TRAPPC9: variants seen among roughly 807,000 people sequenced by gnomAD.
The protein encoded by TRAPPC9 is IKK2 binding protein.
In TRAPPC9, 83 loss-of-function variants were observed where a neutral mutation model predicts 124.0. The observed-to-expected ratio is 0.67, with a 90% CI of 0.56 to 0.80. TRAPPC9 has a LOEUF of 0.80. Ranked by LOEUF, TRAPPC9 falls within the 30% of genes least tolerant of loss-of-function variation. The pLI, the probability that TRAPPC9 is intolerant of heterozygous loss-of-function variation, is 0.00. For missense variants in TRAPPC9, 1,302 were observed against 1,508.3 expected, an observed-to-expected ratio of 0.86 and a Z score of 2.27; for synonymous variants, 638 against 617.5, an observed-to-expected ratio of 1.03 and a Z score of -0.49.
At chr8:140,077,589 G>C (rs532062779) in intron 17 of TRAPPC9, among the ~76,000 whole-genome samples, 2 of 152,062 alleles carry the variant, frequency 1.3e-5, no homozygotes, top group African/African-American at 4.8e-5. Flanking sequence ...GAGCAGGGCA[G>C]ATGCTTGCTG....
At chr8:140,272,126 G>GTGGTGGCAATGATGATGGTGA (rs1331730567) in intron 15 of TRAPPC9, among the ~76,000 whole-genome samples, 38 of 146,788 alleles carry the variant, frequency 2.6e-4, no homozygotes, top group Admixed American at 6.7e-4. Flanking sequence ...AATGGTGATG[G>GTGGTGGCAATGATGATGGTGA]TGGCGATGGT....
intron 9 of TRAPPC9, among the ~76,000 whole-genome samples, chr8:140,341,771 G>C (rs536826231): frequency 3.9e-5 from 6 of 152,264 alleles, no homozygotes; most frequent in Non-Finnish European, 7.4e-5. Context: ...AGCACGGGAA[G>C]GGGGGCTAGT....
At chr8:140,285,898 C>T (rs1338897221) in intron 13 of TRAPPC9, among the ~76,000 whole-genome samples, 3 of 152,284 alleles carry the variant, frequency 2.0e-5, no homozygotes, top group African/African-American at 4.8e-5. Context: ...CTCACTCACC[C>T]GTAGGGAGCA....
At chr8:139,962,524 C>T (rs1199792401) in intron 19 of TRAPPC9, among the ~76,000 whole-genome samples, 1 of 124,656 alleles carries the variant, frequency 8.0e-6, no homozygotes, top group Non-Finnish European at 1.9e-5. Flanking sequence ...CTGCCTCTTC[C>T]ATCTAGTCAT....
At chr8:140,081,555 AG>A (rs898078632) in intron 17 of TRAPPC9, among the ~76,000 whole-genome samples, 103 of 152,230 alleles carry the variant, frequency 6.8e-4, no homozygotes, top group African/African-American at 2.5e-3. Context: ...CATATTGACC[AG>A]GGTGGTCTCA....
chr8:139,978,306 G>A (rs1397386905), intron 19 of TRAPPC9, among the ~76,000 whole-genome samples: 1 of 152,230 alleles, frequency 6.6e-6, no homozygotes, highest in African/African-American at 2.4e-5. Context: ...AACATGGATT[G>A]AGACATAGCC....
intron 17 of TRAPPC9, among the ~76,000 whole-genome samples, chr8:140,162,694 A>G (rs918197240): frequency 5.3e-5 from 8 of 152,178 alleles, no homozygotes; most frequent in African/African-American, 1.9e-4. Context: ...TCCTCACTTA[A>G]AAATGGTTAC....
At chr8:139,777,614 G>A (rs1250736634) in intron 21 of TRAPPC9, among the ~76,000 whole-genome samples, 1 of 152,244 alleles carries the variant, frequency 6.6e-6, no homozygotes, top group African/African-American at 2.4e-5. Flanking sequence ...GTGTATGTTG[G>A]TGAAACAAAA....
At chr8:140,195,033 C>T (rs1269168820) in intron 17 of TRAPPC9, among the ~76,000 whole-genome samples, 2 of 152,026 alleles carry the variant, frequency 1.3e-5, no homozygotes, top group African/African-American at 2.4e-5. Context: ...CTAAAAGACA[C>T]TCAATGATCC....
intron 18 of TRAPPC9, among the ~76,000 whole-genome samples, chr8:140,020,625 CA>C (rs975635232): frequency 6.0e-4 from 85 of 142,598 alleles, no homozygotes; most frequent in South Asian, 6.7e-4. Context: ...GATTCTATCT[CA>C]AAAAAAAAAA....
chr8:139,772,031 G>A lies in TRAPPC9; in HGVS notation c.3056-39829C>T, dbSNP rs76421240. On this transcript the variant is annotated intron_variant, in intron 21 of 22. Transcript: ENST00000438773. ...AGACTTAATTATGCTGCGGCCTGGTGTGGAGGATGGATGGGGCACTGGCTA... is the reference window on the plus strand; with the variant it reads ...AGACTTAATTATGCTGCGGCCTGGTATGGAGGATGGATGGGGCACTGGCTA... Among the ~76,000 whole-genome samples, 527 of 152,358 alleles carry A rather than the reference G, an allele frequency of 3.5e-3. 1 individual carries two copies. The highest frequency in any genetic ancestry group is 0.011 in the African/African-American group (462 of 41,590).
At chr8:139,886,037 T>C (rs1829994791) in intron 20 of TRAPPC9, 68 bp from the exon 21 acceptor site, 6 of 1,447,310 alleles carry the variant, frequency 4.1e-6, no homozygotes, top group Admixed American at 3.9e-5. Context: ...TAGAAGTCTC[T>C]AGACAGAGAC....
intron 9 of TRAPPC9, among the ~76,000 whole-genome samples, chr8:140,317,399 C>T (rs183894963): frequency 1.1e-4 from 17 of 152,156 alleles, no homozygotes; most frequent in African/African-American, 4.1e-4. Context: ...GATAAGGTCC[C>T]ATTATTCTTT....
intron 15 of TRAPPC9, among the ~76,000 whole-genome samples, chr8:140,272,490 C>T (rs957545525): frequency 5.3e-5 from 8 of 149,538 alleles, no homozygotes; most frequent in African/African-American, 1.5e-4. Flanking sequence ...GTGGTGGCAG[C>T]GGTGATGCCG....
At chr8:140,075,297 T>C (rs1162234624) in intron 17 of TRAPPC9, among the ~76,000 whole-genome samples, 1 of 152,236 alleles carries the variant, frequency 6.6e-6, no homozygotes, top group Non-Finnish European at 1.5e-5. Flanking sequence ...TTTTTATTGT[T>C]ACTCATTACA....
rs114859222 is a variant in TRAPPC9, at chr8:139,804,053, C to T, written c.3056-71851G>A. On this transcript the variant is annotated intron_variant, in intron 21 of 22. Transcript: ENST00000438773. ...ATCCATCGCCGCCACCACACGCCAC[C>T]TCCATCAAGCACCGCCGCCACCACC... Among the ~76,000 whole-genome samples the T allele has an allele frequency of 8.9e-3, 1,344 of 151,660 alleles. 22 individuals carry two copies. Among genetic ancestry groups the T allele is most frequent in the African/African-American group, 0.031 (1,285 of 41,248 alleles).
rs889417013 is a variant in TRAPPC9 at position 139,915,875 on chromosome 8, G to A, written c.2811-5575C>T. On this transcript the variant is annotated intron_variant, in intron 19 of 22. Transcript: ENST00000438773. The stretch of plus-strand genomic sequence containing the variant: ...CTTCTCTACACCCAAACTTCCTTTT[G>A]GAAAATAAGAAGCATACTTGTTGGG... Among the ~76,000 whole-genome samples the A allele has an allele frequency of 3.3e-5, 5 of 152,172 alleles. No homozygotes were observed. The South Asian group carries it at 6.2e-4, about 19-fold the overall frequency.
chr8:139,993,139 A>G (rs746800873), intron 18 of TRAPPC9, among the ~76,000 whole-genome samples: 8 of 152,210 alleles, frequency 5.3e-5, no homozygotes, highest in Non-Finnish European at 1.0e-4. Context: ...TGCGTTGCAA[A>G]TATCTTTTCA....
At chr8:139,996,155 A>C (rs1481192320) in intron 18 of TRAPPC9, among the ~76,000 whole-genome samples, 1 of 121,200 alleles carries the variant, frequency 8.3e-6, no homozygotes, top group African/African-American at 2.9e-5. Flanking sequence ...AGAAAAACTT[A>C]AGCAAAAAAA....
Sources: gnomAD v4.1 joint callset for allele counts (sites outside exome capture counted in the v4.1 genomes callset) on GRCh38, gnomAD v4.1.1 for gene constraint, MANE v1.5 for transcripts, NCBI Gene and HGNC (gene_info 2026-07-23, HGNC 2026-07-21) for gene names.